SMAD3: variants seen among roughly 807,000 people sequenced by gnomAD.
SMAD3 encodes SMAD family member 3.
SMAD3 carries 12 observed loss-of-function variants against 51.8 expected under a neutral mutation model. The ratio of observed to expected loss-of-function variants is 0.23; its 90% CI spans 0.15 to 0.38. The LOEUF is 0.38. Among genes scored for constraint, SMAD3 ranks in the 10% least tolerant of loss-of-function variants. The pLI, the probability that SMAD3 is intolerant of heterozygous loss-of-function variation, is 1.00. For synonymous variants in SMAD3, 238 were observed against 227.7 expected (o/e 1.05, Z -0.41); for missense variants, 294 against 565.6 (o/e 0.52, Z 4.87).
chr15:67,079,886 G>C (rs1410676163), intron 1 of SMAD3, among the ~76,000 whole-genome samples: 2 of 152,146 alleles, frequency 1.3e-5, no homozygotes, highest in Non-Finnish European at 2.9e-5. Flanking sequence ...ACAGAAACAA[G>C]GTTCAGATTA....
intron 5 of SMAD3, among the ~76,000 whole-genome samples, chr15:67,174,083 A>C (rs1025966776): frequency 6.6e-6 from 1 of 152,138 alleles, no homozygotes; most frequent in African/African-American, 2.4e-5. Context: ...GGGGCCTGAG[A>C]GAAGGGGTTT....
chr15:67,127,482 C>G (rs958771670), intron 1 of SMAD3, among the ~76,000 whole-genome samples: 1 of 152,202 alleles, frequency 6.6e-6, no homozygotes, highest in East Asian at 1.9e-4. Flanking sequence ...ACCCTGCAGA[C>G]GGCCCTCTAC....
intron 4 of SMAD3, among the ~76,000 whole-genome samples, chr15:67,167,262 G>T (rs1595944140): frequency 6.6e-6 from 1 of 152,302 alleles, no homozygotes; most frequent in East Asian, 1.9e-4. Flanking sequence ...CATGGGGGTT[G>T]GGCAGGACAG....
chr15:67,166,946 T>C, intron 4 of SMAD3, 93 bp downstream of exon 4: 1 of 954,610 alleles, frequency 1.0e-6, no homozygotes, highest in Non-Finnish European at 1.7e-6. Context: ...TCTCCCTCCC[T>C]CCCTTCTATC....
At chr15:67,154,367 A>C (rs1438124552) in intron 1 of SMAD3, among the ~76,000 whole-genome samples, 1 of 152,216 alleles carries the variant, frequency 6.6e-6, no homozygotes, top group Non-Finnish European at 1.5e-5. Context: ...AAGGGTTATG[A>C]AATCCTGTTT....
intron 1 of SMAD3, among the ~76,000 whole-genome samples, chr15:67,078,667 A>G (rs962611873): frequency 6.6e-6 from 1 of 152,152 alleles, no homozygotes; most frequent in African/African-American, 2.4e-5. Context: ...TTCATGTCCA[A>G]GGACTGATTC....
At chr15:67,188,902 T>G (rs2140325755) in intron 8 of SMAD3, among the ~76,000 whole-genome samples, 1 of 152,234 alleles carries the variant, frequency 6.6e-6, no homozygotes, top group East Asian at 1.9e-4. Context: ...GCTGCTGTTC[T>G]TCTGTGTCTG....
intron 1 of SMAD3, among the ~76,000 whole-genome samples, chr15:67,083,146 G>A (rs549305920): frequency 9.2e-5 from 14 of 152,334 alleles, no homozygotes; most frequent in African/African-American, 2.6e-4. Context: ...GAAACCAGAC[G>A]AAGTTGCCGC....
intron 1 of SMAD3, among the ~76,000 whole-genome samples, chr15:67,162,946 G>GTGA (rs57597599): frequency 0.15 from 22,132 of 145,312 alleles, 1,828 homozygotes; most frequent in East Asian, 0.35. Flanking sequence ...GTAGGTTTCT[G>GTGA]TGATGATGAT....
In SMAD3 at chr15:67,194,535, T is replaced by C. The variant is rs1963453034; in HGVS notation, c.*3999T>C. ...GCAGAAGTAATGTATACTCTAGTAT[T>C]CTGGTGTTTTTATATTTATGTAATA... On this transcript the variant is annotated 3_prime_UTR_variant, in exon 9 of 9. Coordinates refer to ENST00000327367, the MANE Select transcript of SMAD3 (RefSeq NM_005902.4). 8.6e-6 allele frequency: 2 copies of C among 232,748 alleles called. No homozygotes were observed. The highest frequency in any genetic ancestry group is 4.4e-5 in the African/African-American group (2 of 45,336). The allele number at this position is 232,748 out of a possible 1,614,324, so 14.4% of individuals were successfully genotyped here.
At chr15:67,109,874 C>T (rs1284868553) in intron 1 of SMAD3, among the ~76,000 whole-genome samples, 1 of 152,192 alleles carries the variant, frequency 6.6e-6, no homozygotes, top group African/African-American at 2.4e-5. Flanking sequence ...CCAGCCCGCT[C>T]CTCCTCCACG....
At chr15:67,107,147 G>A (rs1960896707) in intron 1 of SMAD3, among the ~76,000 whole-genome samples, 1 of 150,018 alleles carries the variant, frequency 6.7e-6, no homozygotes. Context: ...TGTTTACTGA[G>A]TGCATTAAAA....
chr15:67,125,778 G>C (rs2140247395), intron 1 of SMAD3: 1 of 985,678 alleles, frequency 1.0e-6, no homozygotes, highest in South Asian at 4.7e-5. Flanking sequence ...GTTCACTGGT[G>C]CTGGGGTTAG....
chr15:67,085,847 G>A (rs1298080225), intron 1 of SMAD3, among the ~76,000 whole-genome samples: 1 of 149,890 alleles, frequency 6.7e-6, no homozygotes, highest in Non-Finnish European at 1.5e-5. Flanking sequence ...AAGTGATAGT[G>A]GTTGGTCAAA....
At chr15:67,070,302 G>A (rs938202802) in intron 1 of SMAD3, among the ~76,000 whole-genome samples, 13 of 152,280 alleles carry the variant, frequency 8.5e-5, no homozygotes, top group African/African-American at 3.1e-4. Flanking sequence ...GAGAAGAGGA[G>A]GTGCCTGCAG....
intron 5 of SMAD3, among the ~76,000 whole-genome samples, chr15:67,178,131 C>T (rs1262004891): frequency 1.3e-5 from 2 of 152,202 alleles, no homozygotes; most frequent in Non-Finnish European, 2.9e-5. Flanking sequence ...AGTTGCAGGG[C>T]TGTTTGGATA....
chr15:67,077,691 A>G (rs375925106), intron 1 of SMAD3, among the ~76,000 whole-genome samples: 10 of 152,204 alleles, frequency 6.6e-5, no homozygotes, highest in East Asian at 5.8e-4. Flanking sequence ...AGAGGAGGCA[A>G]TACTCAATTG....
At chr15:67,165,630 G>T (rs1052587319) in intron 3 of SMAD3, among the ~76,000 whole-genome samples, 1 of 152,242 alleles carries the variant, frequency 6.6e-6, no homozygotes, top group Admixed American at 6.5e-5. Flanking sequence ...CCTTCCGCCC[G>T]GCCTTGGTGC....
chr15:67,070,283 G>A lies in SMAD3; in HGVS notation c.206+3923G>A, dbSNP rs541059889. Among the ~76,000 whole-genome samples, 5 of 152,218 alleles carry A rather than the reference G, an allele frequency of 3.3e-5. No individual in the cohort carries two copies. The South Asian group carries it at 8.3e-4, about 25-fold the overall frequency. On this transcript the variant is annotated intron_variant, in intron 1 of 8. Transcript: ENST00000327367. ...TTAAGTTTGATTAGGGGAGTTCCACGTAGGGCCTGAGAAGAGGAGGTGCCT... is the reference window on the plus strand; with the variant it reads ...TTAAGTTTGATTAGGGGAGTTCCACATAGGGCCTGAGAAGAGGAGGTGCCT...
Sources: gnomAD v4.1 joint callset for allele counts (sites outside exome capture counted in the v4.1 genomes callset) on GRCh38, gnomAD v4.1.1 for gene constraint, MANE v1.5 for transcripts, NCBI Gene and HGNC (gene_info 2026-07-23, HGNC 2026-07-21) for gene names.